SNTG1: variants seen among roughly 807,000 people sequenced by gnomAD.
SNTG1 encodes gamma-1-syntrophin.
A neutral mutation model predicts 74.7 loss-of-function variants in SNTG1; 39 were observed. The observed-to-expected ratio is 0.52, with a 90% CI of 0.40 to 0.68. The LOEUF (loss-of-function observed/expected upper bound fraction) is 0.68. SNTG1 is among the 30% of genes least tolerant of loss of function. SNTG1 has a pLI of 0.00. For missense variants in SNTG1, 685 were observed against 609.5 expected (o/e 1.12, Z -1.30); for synonymous variants, 254 against 217.1 (o/e 1.17, Z -1.49).
At chr8:50,712,929 G>A (rs2095465788) in intron 17 of SNTG1, among the ~76,000 whole-genome samples, 2 of 152,164 alleles carry the variant, frequency 1.3e-5, no homozygotes, top group South Asian at 4.1e-4. Context: ...TTGGTTCCAA[G>A]TCTTTGCTAT....
intron 1 of SNTG1, among the ~76,000 whole-genome samples, chr8:50,027,629 C>T (rs974918644): frequency 2.0e-5 from 3 of 152,144 alleles, no homozygotes; most frequent in East Asian, 3.9e-4. Context: ...GGGCATTCTT[C>T]GTTAGGAGAG....
intron 2 of SNTG1, among the ~76,000 whole-genome samples, chr8:50,361,662 T>C (rs1353557007): frequency 6.6e-6 from 1 of 151,824 alleles, no homozygotes; most frequent in Admixed American, 6.6e-5. Context: ...TCATTGTGAA[T>C]TTTTTTTGGG....
At chr8:50,584,565 T>C (rs1040592365) in intron 12 of SNTG1, among the ~76,000 whole-genome samples, 2 of 145,690 alleles carry the variant, frequency 1.4e-5, no homozygotes, top group Admixed American at 7.3e-5. Flanking sequence ...TGGGCTGGAG[T>C]GCAGTGGTGC....
chr8:50,354,569 C>T (rs866269415), intron 2 of SNTG1, among the ~76,000 whole-genome samples: 1 of 152,140 alleles, frequency 6.6e-6, no homozygotes, highest in East Asian at 1.9e-4. Flanking sequence ...TGAGAGCTGA[C>T]ATTATTGTCT....
At chr8:50,015,112 T>C (rs1388256262) in intron 1 of SNTG1, among the ~76,000 whole-genome samples, 1 of 151,240 alleles carries the variant, frequency 6.6e-6, no homozygotes, top group Admixed American at 6.6e-5. Context: ...CATACAAAAC[T>C]GAGGGAAACC....
At chr8:50,625,226 A>G (rs143998863) in intron 13 of SNTG1, among the ~76,000 whole-genome samples, 1 of 152,366 alleles carries the variant, frequency 6.6e-6, no homozygotes, top group East Asian at 1.9e-4. Flanking sequence ...CTACATGGGT[A>G]GTTGTTGACA....
At chr8:50,672,789 AGGTTTTCTTCTAG>A (rs1454141582) in intron 15 of SNTG1, among the ~76,000 whole-genome samples, 1 of 152,098 alleles carries the variant, frequency 6.6e-6, no homozygotes, top group Non-Finnish European at 1.5e-5. Context: ...GATATTGCCT[AGGTTTTCTTCTAG>A]GGTTTTTATG....
chr8:50,138,374 T>C (rs1428234512), intron 1 of SNTG1, among the ~76,000 whole-genome samples: 1 of 151,944 alleles, frequency 6.6e-6, no homozygotes, highest in Non-Finnish European at 1.5e-5. Context: ...CCCAGCACTT[T>C]TGGGAGGCCG....
At chr8:50,348,432 G>A (rs890441433) in intron 2 of SNTG1, among the ~76,000 whole-genome samples, 1 of 152,120 alleles carries the variant, frequency 6.6e-6, no homozygotes. Context: ...TATGTTATAT[G>A]TCTCTCTCTT....
intron 2 of SNTG1, among the ~76,000 whole-genome samples, chr8:50,321,498 T>C (rs1484288811): frequency 6.6e-6 from 1 of 152,154 alleles, no homozygotes; most frequent in Non-Finnish European, 1.5e-5. Flanking sequence ...CCACTCTATG[T>C]CTTTTGACTG....
intron 1 of SNTG1, among the ~76,000 whole-genome samples, chr8:50,087,625 C>A (rs967354183): frequency 6.6e-6 from 1 of 151,994 alleles, no homozygotes; most frequent in Admixed American, 6.6e-5. Context: ...TGTGTGTATG[C>A]TTAATCAAAG....
intron 1 of SNTG1, among the ~76,000 whole-genome samples, chr8:50,099,968 T>C (rs1404622507): frequency 6.6e-6 from 1 of 152,048 alleles, no homozygotes; most frequent in African/African-American, 2.4e-5. Context: ...TTGGCTTTTT[T>C]TAGTTTGACA....
chr8:50,097,492 A>G (rs1341443728), intron 1 of SNTG1, among the ~76,000 whole-genome samples: 1 of 152,152 alleles, frequency 6.6e-6, no homozygotes, highest in Non-Finnish European at 1.5e-5. Flanking sequence ...TCAATTTTGA[A>G]ACTAAGGAGA....
At chr8:50,508,790 G>A (rs1371810200) in intron 9 of SNTG1, among the ~76,000 whole-genome samples, 1 of 152,014 alleles carries the variant, frequency 6.6e-6, no homozygotes, top group Non-Finnish European at 1.5e-5. Context: ...TTGTAAATTT[G>A]TTTGAGTTCA....
At chr8:50,204,760 C>T in intron 2 of SNTG1, among the ~76,000 whole-genome samples, 1 of 152,046 alleles carries the variant, frequency 6.6e-6, no homozygotes, top group Admixed American at 6.6e-5. Context: ...TGATGTTCCC[C>T]ACTCTGTGTC....
chr8:50,343,520 A>G (rs2091381554), intron 2 of SNTG1, among the ~76,000 whole-genome samples: 1 of 152,206 alleles, frequency 6.6e-6, no homozygotes, highest in African/African-American at 2.4e-5. Flanking sequence ...ATACAAACAA[A>G]ACAAAGCCAA....
intron 2 of SNTG1, among the ~76,000 whole-genome samples, chr8:50,391,729 T>A (rs1462607105): frequency 6.6e-6 from 1 of 152,162 alleles, no homozygotes; most frequent in African/African-American, 2.4e-5. Context: ...AGACTATTAA[T>A]TATTGCCTCA....
chr8:50,588,044 C>G (rs1262255601), intron 12 of SNTG1, among the ~76,000 whole-genome samples: 2 of 151,372 alleles, frequency 1.3e-5, no homozygotes, highest in Admixed American at 1.3e-4. Flanking sequence ...CGCTTGAACC[C>G]AGGAAACGGA....
intron 1 of SNTG1, among the ~76,000 whole-genome samples, chr8:50,066,992 T>C (rs75896675): frequency 1.2e-3 from 179 of 152,328 alleles, no homozygotes; most frequent in African/African-American, 4.2e-3. Flanking sequence ...ACCATGAATA[T>C]CATTAACCAT....
Sources: allele counts gnomAD v4.1 joint callset (sites outside exome capture counted in the v4.1 genomes callset), GRCh38; gene constraint gnomAD v4.1.1; transcripts MANE v1.5; gene names NCBI Gene and HGNC (gene_info 2026-07-23, HGNC 2026-07-21).